The following KIAA1549 variants were observed in gnomAD, a reference collection of about 807,000 sequenced individuals.
KIAA1549 encodes KIAA1549.
Under a neutral mutation model 156.4 loss-of-function variants are expected in KIAA1549, and 70 were observed. The ratio of observed to expected loss-of-function variants is 0.45; its 90% CI spans 0.37 to 0.55. KIAA1549 has a LOEUF of 0.55. Ranked by LOEUF, KIAA1549 falls within the 20% of genes least tolerant of loss-of-function variation. The pLI is 0.00. For synonymous variants in KIAA1549, 1,103 were observed against 1,066.4 expected, an observed-to-expected ratio of 1.03 and a Z score of -0.67; for missense variants, 2,428 against 2,540.9, an observed-to-expected ratio of 0.96 and a Z score of 0.96.
At chr7:138,846,533 C>CA (rs1213246866) in intron 17 of KIAA1549, among the ~76,000 whole-genome samples, 2,059 of 59,364 alleles carry the variant, frequency 0.035, 57 homozygotes, top group African/African-American at 0.074. Context: ...GACTCCATCT[C>CA]AAAAAAAAAA....
Position 138,833,894 on chromosome 7 carries a change from T to C in KIAA1549, c.*4012A>G, listed in dbSNP as rs1392549218. The C allele has an allele frequency of 4.3e-6, 1 of 232,056 alleles. No individual in the cohort carries two copies. The highest frequency in any genetic ancestry group is 8.5e-6 in the Non-Finnish European group (1 of 117,366). The allele number at this position is 232,056 out of a possible 1,614,324, so 14.4% of individuals were successfully genotyped here. On this transcript the variant is annotated 3_prime_UTR_variant, in exon 20 of 20. Coordinates refer to ENST00000422774, the MANE Select transcript of KIAA1549 (RefSeq NM_001164665.2). Reference sequence around the variant, plus strand: ...TGCAAAAGCATCCTTCCAGCACCTCTTCCTTCTCTTCTGAAACTCCCTCAA... The same window carrying C: ...TGCAAAAGCATCCTTCCAGCACCTCCTCCTTCTCTTCTGAAACTCCCTCAA...
intron 1 of KIAA1549, among the ~76,000 whole-genome samples, chr7:138,928,689 T>G (rs6976406): frequency 0.51 from 77,903 of 152,110 alleles, 23,602 homozygotes; most frequent in African/African-American, 0.86. Flanking sequence ...CAAATTTTTT[T>G]GTTTCCCAGT....
chr7:138,887,840 G>A (rs143163480), intron 10 of KIAA1549, among the ~76,000 whole-genome samples: 1 of 152,332 alleles, frequency 6.6e-6, no homozygotes, highest in Non-Finnish European at 1.5e-5. Flanking sequence ...TGTGAACTTA[G>A]ATATTCTGTA....
chr7:138,926,472 A>G (rs1482605371), intron 1 of KIAA1549, among the ~76,000 whole-genome samples: 2 of 152,014 alleles, frequency 1.3e-5, no homozygotes, highest in African/African-American at 4.8e-5. Context: ...TTTAGTAGAC[A>G]TGGGGTTTCA....
chr7:138,875,703 G>A (rs900625559), intron 12 of KIAA1549, among the ~76,000 whole-genome samples: 2 of 152,214 alleles, frequency 1.3e-5, no homozygotes, highest in African/African-American at 2.4e-5. Flanking sequence ...CAGAATGAAA[G>A]AGAATAGTTC....
chr7:138,934,223 A>G (rs1812946831), intron 1 of KIAA1549, among the ~76,000 whole-genome samples: 2 of 152,192 alleles, frequency 1.3e-5, no homozygotes, highest in South Asian at 4.2e-4. Flanking sequence ...GAAGGAAGGA[A>G]GGAACGGAAC....
intron 12 of KIAA1549, among the ~76,000 whole-genome samples, chr7:138,878,794 C>T (rs1811161823): frequency 1.5e-5 from 2 of 132,922 alleles, no homozygotes; most frequent in South Asian, 5.1e-4. Context: ...ATTCTGAGGC[C>T]TCCCAATGAT....
chr7:138,879,718 T>C, intron 11 of KIAA1549, 65 bp from the exon 12 acceptor site: 1 of 1,098,392 alleles, frequency 9.1e-7, no homozygotes, highest in Non-Finnish European at 1.3e-6. Flanking sequence ...AAAGTCCCAT[T>C]AATTTGTGTG....
At chr7:138,889,817 G>T (rs985544997) in intron 10 of KIAA1549, among the ~76,000 whole-genome samples, 2 of 152,184 alleles carry the variant, frequency 1.3e-5, no homozygotes, top group Non-Finnish European at 2.9e-5. Flanking sequence ...TCTACACACA[G>T]AAGGAAAACC....
Position 138,852,907 on chromosome 7 carries a change from G to A in KIAA1549, c.5248-638C>T, listed in dbSNP as rs189768746. Among the ~76,000 whole-genome samples the A allele has an allele frequency of 3.2e-3, 485 of 152,322 alleles. 2 individuals are homozygous for A. Among genetic ancestry groups the A allele is most frequent in the African/African-American group, 8.2e-3 (340 of 41,572 alleles). ...CCCTTAAGTTCCATAAGGTGCCCCC[G>A]TATCCTTCAATCAACTCTTTTTACT... On this transcript the variant is annotated intron_variant, in intron 16 of 19. Transcript: ENST00000422774.
intron 12 of KIAA1549, among the ~76,000 whole-genome samples, chr7:138,878,362 G>A (rs916642830): frequency 6.6e-6 from 1 of 152,222 alleles, no homozygotes. Flanking sequence ...AGGCCCCTGG[G>A]CTTCTGTCCA....
chr7:138,952,940 T>C (rs1339073885), intron 1 of KIAA1549, among the ~76,000 whole-genome samples: 1 of 152,076 alleles, frequency 6.6e-6, no homozygotes. Flanking sequence ...TATTCTCCTA[T>C]CACCATTCTC....
rs1202484048 is a variant in KIAA1549, at chr7:138,837,437, T to C, written c.*469A>G. On this transcript the variant is annotated 3_prime_UTR_variant, in exon 20 of 20. Coordinates refer to ENST00000422774, the MANE Select transcript of KIAA1549 (RefSeq NM_001164665.2). ...ATGTTACTATTAAAATAAGTTCCTA[T>C]GGAGTAAAAGAGAAAAATTAAGCTG... The C allele has an allele frequency of 2.1e-5, 5 of 243,066 alleles. No homozygotes were observed. Among genetic ancestry groups the C allele is most frequent in the Non-Finnish European group, 3.2e-5 (4 of 125,126 alleles). The allele number at this position is 243,066 out of a possible 1,614,324, so 15.1% of individuals were successfully genotyped here.
rs751839844 is a variant in KIAA1549, at chr7:138,917,003, C to T, written c.2623G>A (p.Val875Met). The T allele has an allele frequency of 1.9e-6, 3 of 1,600,978 alleles. No individual in the cohort carries two copies. Among genetic ancestry groups the T allele is most frequent in the Non-Finnish European group, 2.6e-6 (3 of 1,173,512 alleles). ...VVGPSLTPTE[V>M]PLNTSTEVST... ...ACTTCCGTGGAGGTGTTCAGTGGCA[C>T]CTCTGTGGGTGTGAGTGATGGGCCC... Residue 875 changes from valine to methionine, a missense_variant, in exon 2 of 20, where the codon GTG becomes ATG. Val to Met is a conservative substitution (Grantham distance 21). Coordinates refer to ENST00000422774, the MANE Select transcript of KIAA1549 (RefSeq NM_001164665.2).
rs544754877 is a variant in KIAA1549 at position 138,833,461 on chromosome 7, T to C, written c.*4445A>G. The C allele has an allele frequency of 4.3e-6, 1 of 232,650 alleles. No homozygotes were observed. Among genetic ancestry groups the C allele is most frequent in the Non-Finnish European group, 8.5e-6 (1 of 117,752 alleles). The allele number at this position is 232,650 out of a possible 1,614,324, so 14.4% of individuals were successfully genotyped here. On this transcript the variant is annotated 3_prime_UTR_variant, in exon 20 of 20. Coordinates refer to ENST00000422774, the MANE Select transcript of KIAA1549 (RefSeq NM_001164665.2). ...GAGACTCCTATAGCACAGAACCGCG[T>C]GCTGGCTTTAGCCCAAAGCCTTTAG...
At chr7:138,844,208 A>C (rs1810002707) in intron 18 of KIAA1549, 109 bp downstream of exon 18, 1 of 1,229,144 alleles carries the variant, frequency 8.1e-7, no homozygotes, top group Non-Finnish European at 1.2e-6. Flanking sequence ...GCCCTGAAAC[A>C]GCAGTGGCAG....
chr7:138,858,530 CT>C (rs1422308273), intron 16 of KIAA1549, among the ~76,000 whole-genome samples: 2 of 152,056 alleles, frequency 1.3e-5, no homozygotes, highest in Non-Finnish European at 2.9e-5. Context: ...TTGAGCTTTG[CT>C]TGGGTTTAGA....
chr7:138,862,691 G>A (rs903179401), intron 15 of KIAA1549, among the ~76,000 whole-genome samples: 4 of 152,150 alleles, frequency 2.6e-5, no homozygotes, highest in African/African-American at 4.8e-5. Context: ...AGCACTTTGG[G>A]AGGCCGAGAT....
At chr7:138,939,407 GTTT>G (rs1414509918) in intron 1 of KIAA1549, among the ~76,000 whole-genome samples, 6 of 152,052 alleles carry the variant, frequency 3.9e-5, no homozygotes, top group Non-Finnish European at 8.8e-5. Context: ...CTTTATAACA[GTTT>G]TCTCCTCTTT....
Sources: gnomAD v4.1 joint callset for allele counts (sites outside exome capture counted in the v4.1 genomes callset) on GRCh38, gnomAD v4.1.1 for gene constraint, MANE v1.5 for transcripts, NCBI Gene and HGNC (gene_info 2026-07-23, HGNC 2026-07-21) for gene names.